The following OSBP2 variants were observed in gnomAD, a reference collection of about 807,000 sequenced individuals.
The protein encoded by OSBP2 is oxysterol binding protein 2.
OSBP2 carries 66 observed loss-of-function variants against 96.0 expected under a neutral mutation model. The observed-to-expected ratio is 0.69, with a 90% CI of 0.56 to 0.84. The LOEUF (loss-of-function observed/expected upper bound fraction) is 0.84, where lower values mean the gene tolerates loss of function less well. Among genes scored for constraint, OSBP2 ranks in the 40% least tolerant of loss-of-function variants. OSBP2 has a pLI of 0.00. For synonymous variants in OSBP2, 525 were observed against 520.9 expected (o/e 1.01, Z -0.11); for missense variants, 1,038 against 1,222.7 (o/e 0.85, Z 2.25).
intron 2 of OSBP2, among the ~76,000 whole-genome samples, chr22:30,855,062 T>A (rs1001732032): frequency 6.6e-6 from 1 of 152,194 alleles, no homozygotes; most frequent in Non-Finnish European, 1.5e-5. Context: ...TATCTCTACC[T>A]GGCCCCTCCC....
At chr22:30,875,176 G>A (rs1010087004) in intron 3 of OSBP2, among the ~76,000 whole-genome samples, 19 of 152,146 alleles carry the variant, frequency 1.2e-4, no homozygotes, top group African/African-American at 4.6e-4. Context: ...TGGAGGCCCA[G>A]CCCCGAGGCC....
At chr22:30,889,708 T>C in intron 7 of OSBP2, 72 bp downstream of exon 7, 1 of 1,429,462 alleles carries the variant, frequency 7.0e-7, no homozygotes, top group African/African-American at 1.4e-5. Context: ...TGAGCAGTAA[T>C]GGCCTGTGTG....
chr22:30,822,115 C>G (rs2038285549), intron 2 of OSBP2, among the ~76,000 whole-genome samples: 1 of 152,218 alleles, frequency 6.6e-6, no homozygotes, highest in Non-Finnish European at 1.5e-5. Context: ...GCAGCGGGGT[C>G]AGAAGATGAG....
chr22:30,881,695 A>C lies in OSBP2; in HGVS notation c.1108-5731A>C. The C allele has an allele frequency of 7.7e-7, 1 of 1,304,128 alleles. No individual in the cohort carries two copies. Among genetic ancestry groups the C allele is most frequent in the Non-Finnish European group, 1.0e-6 (1 of 988,924 alleles). 80.8% of individuals were successfully genotyped at this position (1,304,128 alleles called of 1,614,324 possible). A position where few individuals can be genotyped will look rare whatever the true frequency, so the allele number is the denominator to read the frequency against. ...CAGCCCAGCTCAGCATTCTGAGAAC[A>C]GCAGGGCCACGCCAGGCGCCTGCCT... On this transcript the variant is annotated intron_variant, in intron 3 of 13. Transcript: ENST00000332585. The surrounding 1 kb of genome is among the most constrained non-coding windows in gnomAD (Gnocchi z 4.5).
chr22:30,883,624 G>C (rs150950540), intron 3 of OSBP2, among the ~76,000 whole-genome samples: 1 of 152,350 alleles, frequency 6.6e-6, no homozygotes, highest in African/African-American at 2.4e-5. Flanking sequence ...GCTCTCAGTT[G>C]AGGACCTGGG....
chr22:30,698,514 C>T (rs143068560), intron 1 of OSBP2, among the ~76,000 whole-genome samples: 70 of 151,720 alleles, frequency 4.6e-4, no homozygotes, highest in African/African-American at 1.6e-3. Context: ...TCTCAGCTCA[C>T]TGCAATCTCT....
chr22:30,824,680 T>C (rs2038360749), intron 2 of OSBP2, among the ~76,000 whole-genome samples: 1 of 152,042 alleles, frequency 6.6e-6, no homozygotes, highest in Admixed American at 6.5e-5. Flanking sequence ...CGTCAAAGGG[T>C]ATTCTGGTGA....
Position 30,727,706 on chromosome 22 carries a change from C to T in OSBP2, c.645-13455C>T, listed in dbSNP as rs112099451. 2.7e-3 allele frequency among the ~76,000 whole-genome samples: 413 copies of T among 152,228 alleles called. 1 individual carries two copies. Among genetic ancestry groups the T allele is most frequent in the African/African-American group, 9.8e-3 (406 of 41,550 alleles). On this transcript the variant is annotated intron_variant, in intron 1 of 13. Coordinates refer to ENST00000332585, the MANE Select transcript of OSBP2 (RefSeq NM_030758.4). ...TGTTTTTTTAAATATAAACTTTAAC[C>T]TAAGTCTAATATGCGTAGAGAAAAG... is the stretch of plus-strand genomic sequence containing the variant.
At chr22:30,897,390 C>A (rs963018303) in intron 12 of OSBP2, among the ~76,000 whole-genome samples, 1 of 152,192 alleles carries the variant, frequency 6.6e-6, no homozygotes, top group Non-Finnish European at 1.5e-5. Flanking sequence ...ATGGATGCAA[C>A]TCTGAGAACA....
intron 1 of OSBP2, among the ~76,000 whole-genome samples, chr22:30,707,489 C>T (rs1260925486): frequency 6.6e-6 from 1 of 151,500 alleles, no homozygotes; most frequent in Non-Finnish European, 1.5e-5. Context: ...CTGAGGCGGG[C>T]GGATCACGAG....
intron 1 of OSBP2, among the ~76,000 whole-genome samples, chr22:30,727,708 A>T (rs1476990518): frequency 6.6e-6 from 1 of 152,124 alleles, no homozygotes; most frequent in African/African-American, 2.4e-5. Flanking sequence ...ACTTTAACCT[A>T]AGTCTAATAT....
chr22:30,843,450 CT>C (rs67663861), intron 2 of OSBP2, among the ~76,000 whole-genome samples: 37,118 of 133,104 alleles, frequency 0.28, 4,708 homozygotes, highest in African/African-American at 0.32. Flanking sequence ...TCTTTCCCCC[CT>C]CCCCCTTGAG....
intron 2 of OSBP2, among the ~76,000 whole-genome samples, chr22:30,822,322 G>A (rs949286542): frequency 2.0e-5 from 3 of 152,252 alleles, no homozygotes; most frequent in African/African-American, 7.2e-5. Flanking sequence ...GAGCCTGCAT[G>A]GGCGTCCGCG....
At chr22:30,857,993 G>A (rs945113723) in intron 2 of OSBP2, among the ~76,000 whole-genome samples, 10 of 152,222 alleles carry the variant, frequency 6.6e-5, no homozygotes, top group South Asian at 2.1e-4. Flanking sequence ...CAGAAGAGGC[G>A]GGAGGGTGTC....
At chr22:30,732,172 C>T (rs760176903) in intron 1 of OSBP2, among the ~76,000 whole-genome samples, 11 of 152,004 alleles carry the variant, frequency 7.2e-5, no homozygotes, top group Admixed American at 1.3e-4. Context: ...GGCGTGGTGA[C>T]GGGTGCCTAT....
At chr22:30,712,652 A>C (rs1223708834) in intron 1 of OSBP2, among the ~76,000 whole-genome samples, 1 of 152,188 alleles carries the variant, frequency 6.6e-6, no homozygotes, top group Non-Finnish European at 1.5e-5. Flanking sequence ...GTCCAGGATC[A>C]CCCTCATTTT....
At chr22:30,755,393 G>C (rs1417715285) in intron 2 of OSBP2, among the ~76,000 whole-genome samples, 1 of 152,188 alleles carries the variant, frequency 6.6e-6, no homozygotes, top group African/African-American at 2.4e-5. Flanking sequence ...CCTTTCAAGA[G>C]AGTCCTTATT....
In OSBP2 at chr22:30,890,146, T is replaced by A. The variant is rs1471618397; in HGVS notation, c.1623+510T>A. 6.6e-6 allele frequency among the ~76,000 whole-genome samples: 1 copy of A among 152,162 alleles called. No individual in the cohort carries two copies. The highest frequency in any genetic ancestry group is 2.4e-5 in the African/African-American group (1 of 41,434). ...TTCCTTCACATCTCCAGCCTCTGTG[T>A]CCACATGTGTAGGGTGGGGAGAAAC... On this transcript the variant is annotated intron_variant, in intron 7 of 13. Coordinates refer to ENST00000332585, the MANE Select transcript of OSBP2 (RefSeq NM_030758.4). This position sits in a 1 kb window ranked among gnomAD's most constrained non-coding sequence, Gnocchi z 4.4.
At chr22:30,893,372 C>A (rs528364748) in intron 9 of OSBP2, 91 bp from the exon 10 acceptor site, 19 of 1,535,840 alleles carry the variant, frequency 1.2e-5, no homozygotes, top group Non-Finnish European at 1.6e-5. Context: ...TTCAACCCCC[C>A]AGCCTAGTTC....
Sources: gnomAD v4.1 joint callset for allele counts (sites outside exome capture counted in the v4.1 genomes callset) on GRCh38, gnomAD v4.1.1 for gene constraint, Gnocchi (gnomAD v3.1) non-coding constraint, MANE v1.5 for transcripts, NCBI Gene and HGNC (gene_info 2026-07-23, HGNC 2026-07-21) for gene names.